SHOX: variants seen among roughly 807,000 people sequenced by gnomAD.
The protein encoded by SHOX is SHOX homeobox.
In SHOX, 12 loss-of-function variants were observed where a neutral mutation model predicts 29.6. The ratio of observed to expected loss-of-function variants is 0.41; its 90% CI spans 0.26 to 0.66. The LOEUF is 0.66. SHOX is among the 30% of genes least tolerant of loss of function. The pLI is 0.35. For missense variants in SHOX, 499 were observed against 437.7 expected (o/e 1.14, Z -1.25); for synonymous variants, 214 against 200.6 (o/e 1.07, Z -0.57).
Position 651,394 on chromosome X carries a change from A to AAAAC in SHOX, c.*6772_*6775dup, listed in dbSNP as rs781601972. The AAAAC allele has an allele frequency of 2.5e-5, 11 of 446,166 alleles. No homozygotes were observed. Among genetic ancestry groups the AAAAC allele is most frequent in the South Asian group, 7.8e-5 (5 of 63,908 alleles). The allele number at this position is 446,166 out of a possible 1,614,324, so 27.6% of individuals were successfully genotyped here. A position where few individuals can be genotyped will look rare whatever the true frequency, so the allele number is the denominator to read the frequency against. On this transcript the variant is annotated 3_prime_UTR_variant, in exon 5 of 5. Transcript: ENST00000686671. Reference sequence around the variant, plus strand: ...TCGGCAGGCGGTGAGGGGTAGAAAAAAAACAAACAAACAAACAGAAAAAAA... The same window carrying AAAAC: ...TCGGCAGGCGGTGAGGGGTAGAAAAAAAACAAACAAACAAACAAACAGAAAAAAA...
At position 641,687 on chromosome X, in the gene SHOX, CAAAAA is replaced by C. The variant is rs35181650; in HGVS notation, c.633+615_633+619del. Among the ~76,000 whole-genome samples the C allele has an allele frequency of 3.9e-4, 48 of 123,646 alleles. No individual in the cohort carries two copies. The South Asian group carries it at 4.1e-3, about 11-fold the overall frequency. The allele number at this position is 123,646 out of a possible 152,430, so 81.1% of individuals were successfully genotyped here. On this transcript the variant is annotated intron_variant, in intron 4 of 4. Transcript: ENST00000686671. ...AGAGTGAGACTCCAAGACTCCATCT[CAAAAA>C]AAAAAAAAAAAAAATCAGGCTGTAA...
chrX:652,089 T>C (rs1259860006), downstream of SHOX, among the ~76,000 whole-genome samples: 1 of 151,946 alleles, frequency 6.6e-6, no homozygotes, highest in Non-Finnish European at 1.5e-5. Context: ...CGCGCCCGGC[T>C]CATTTTTGTA....
chrX:634,736 C>A lies in SHOX; in HGVS notation c.396C>A (p.Leu132=). 1.2e-6 allele frequency: 2 copies of A among 1,613,012 alleles called. No individual in the cohort carries two copies. Among genetic ancestry groups the A allele is most frequent in the South Asian group, 1.1e-5 (1 of 90,836 alleles). The change falls in exon 2 of 5, where the codon CTC becomes CTA. Residue 132 remains leucine, a synonymous_variant. Coordinates refer to ENST00000686671, the MANE Select transcript of SHOX (RefSeq NM_000451.4). ...TNFTLEQLNE[L]ERLFDETHYP... ...TCACGCTGGAGCAGCTGAACGAGCTCGAGCGACTCTTCGACGAGACCCATT... is the reference window on the plus strand; with the variant it reads ...TCACGCTGGAGCAGCTGAACGAGCTAGAGCGACTCTTCGACGAGACCCATT...
downstream of SHOX, among the ~76,000 whole-genome samples, chrX:656,310 C>T (rs758518108): frequency 4.8e-4 from 73 of 151,576 alleles, no homozygotes; most frequent in African/African-American, 1.8e-3. Flanking sequence ...GCTGTGCTGG[C>T]TCATGCCTGT....
chrX:634,907 G>T, intron 2 of SHOX, 81 bp downstream of exon 2: 1 of 1,427,576 alleles, frequency 7.0e-7, no homozygotes, highest in South Asian at 1.3e-5. Flanking sequence ...ACAGCCACCT[G>T]CGCCCGGGCC....
At chrX:644,335 A>G in intron 4 of SHOX, 56 bp from the exon 5 acceptor site, 1 of 1,476,562 alleles carries the variant, frequency 6.8e-7, no homozygotes, top group Non-Finnish European at 8.9e-7. Flanking sequence ...CGCGGGGCGG[A>G]GCAGGCCCCC....
chrX:625,831 CCT>C (rs764839663), upstream of SHOX, among the ~76,000 whole-genome samples: 3 of 139,678 alleles, frequency 2.1e-5, no homozygotes, highest in East Asian at 2.1e-4. Flanking sequence ...CTCTTTCTCT[CCT>C]CTCTTTTTCT....
rs34668574 is a variant in SHOX, at chrX:650,564, G to A, written c.*5928G>A. ...GGAAATACCAGAGTCCTCTGTCCTC[G>A]CCTCTGGGTTTCATGCTGACCTTTC... On this transcript the variant is annotated 3_prime_UTR_variant, in exon 5 of 5. Transcript: ENST00000686671. Among the ~76,000 whole-genome samples, 63,818 of 151,130 alleles carry A rather than the reference G, an allele frequency of 0.42. 14,048 individuals carry two copies. The highest frequency in any genetic ancestry group is 0.48 in the Non-Finnish European group (32,699 of 67,730).
chrX:633,517 GAAGA>G (rs2052685007), intron 1 of SHOX, among the ~76,000 whole-genome samples: 1 of 151,676 alleles, frequency 6.6e-6, no homozygotes, highest in Non-Finnish European at 1.5e-5. Flanking sequence ...ATCGTGGAAG[GAAGA>G]AAGACAGAAC....
chrX:631,525 C>T (rs2052648461), intron 1 of SHOX, among the ~76,000 whole-genome samples: 1 of 139,634 alleles, frequency 7.2e-6, no homozygotes, highest in Admixed American at 7.3e-5. Context: ...TCTTTCCTTT[C>T]CTTTTTTTGT....
intron 4 of SHOX, among the ~76,000 whole-genome samples, chrX:641,585 A>G (rs1251920880): frequency 3.3e-5 from 5 of 150,496 alleles, no homozygotes; most frequent in Non-Finnish European, 7.4e-5. Flanking sequence ...GGTACTTGGG[A>G]GGGAGAATCA....
At chrX:636,300 CAT>C (rs993960820) in intron 2 of SHOX, among the ~76,000 whole-genome samples, 4 of 124,848 alleles carry the variant, frequency 3.2e-5, no homozygotes, top group African/African-American at 9.7e-5. Context: ...AATATATTAA[CAT>C]ATATAAAATA....
chrX:626,693 CTCTT>C (rs754795109), upstream of SHOX, among the ~76,000 whole-genome samples: 18 of 120,730 alleles, frequency 1.5e-4, no homozygotes, highest in South Asian at 4.4e-3. Flanking sequence ...ATCTCTGTCT[CTCTT>C]TCTCTCTCTC....
At chrX:652,901 C>T (rs150620809), downstream of SHOX, among the ~76,000 whole-genome samples, 1,738 of 134,798 alleles carry the variant, frequency 0.013, 32 homozygotes, top group African/African-American at 0.046. Flanking sequence ...TAGGGGCAAA[C>T]GCAGGCAAGT....
Position 644,534 on chromosome X carries a change from C to A in SHOX, c.777C>A (p.Ala259=), listed in dbSNP as rs757719614. The A allele has an allele frequency of 1.3e-6, 2 of 1,517,604 alleles. No individual in the cohort carries two copies. Among genetic ancestry groups the A allele is most frequent in the South Asian group, 2.4e-5 (2 of 82,112 alleles). 94.0% of individuals were successfully genotyped at this position (1,517,604 alleles called of 1,614,324 possible). A position where few individuals can be genotyped will look rare whatever the true frequency, so the allele number is the denominator to read the frequency against. The change falls in exon 5 of 5, where the codon GCC becomes GCA. Residue 259 remains alanine (A), a synonymous_variant. Coordinates refer to ENST00000686671, the MANE Select transcript of SHOX (RefSeq NM_000451.4). The part of the protein sequence containing the change: ...PIASLAESAS[A]AAVVAAAAKS... Reference sequence around the variant, plus strand: ...CGTCGCTGGCCGAGTCCGCCTCGGCCGCCGCCGTGGTCGCCGCCGCCGCCA... The same window carrying A: ...CGTCGCTGGCCGAGTCCGCCTCGGCAGCCGCCGTGGTCGCCGCCGCCGCCA...
intron 4 of SHOX, 134 bp from the exon 5 acceptor site, chrX:644,256 TG>T: frequency 8.9e-7 from 1 of 1,125,924 alleles, no homozygotes; most frequent in Non-Finnish European, 1.2e-6. Flanking sequence ...GGGTGTGGGG[TG>T]GTCTCCACGG....
In SHOX at chrX:644,694, C is replaced by T. The variant is rs2052932240; in HGVS notation, c.*58C>T. The T allele has an allele frequency of 7.3e-7, 1 of 1,373,644 alleles. No individual in the cohort carries two copies. Among genetic ancestry groups the T allele is most frequent in the African/African-American group, 1.5e-5 (1 of 65,204 alleles). The allele number at this position is 1,373,644 out of a possible 1,614,324, so 85.1% of individuals were successfully genotyped here. A position where few individuals can be genotyped will look rare whatever the true frequency, so the allele number is the denominator to read the frequency against. The stretch of plus-strand genomic sequence containing the variant: ...CCGGGCTCCGCGCACCCCGCCTGCA[C>T]CGCGCGTCCTGCACTCAACCCCGCC... On this transcript the variant is annotated 3_prime_UTR_variant, in exon 5 of 5. Coordinates refer to ENST00000686671, the MANE Select transcript of SHOX (RefSeq NM_000451.4).
At chrX:630,099 A>G (rs1011184617), upstream of SHOX, among the ~76,000 whole-genome samples, 1 of 151,740 alleles carries the variant, frequency 6.6e-6, no homozygotes, top group Admixed American at 6.6e-5. Flanking sequence ...GGCGCTGGAG[A>G]CCCGGGAGGC....
Position 648,930 on chromosome X carries a change from C to CTTT in SHOX, c.*4295_*4296insTTT, listed in dbSNP as rs1457789033. The stretch of plus-strand genomic sequence containing the variant: ...TTCCTTTCTTTCTTTTTCTTTCTTT[C>CTTT]TCTCTTTCTTTCTTTTCTTTCTTTC... On this transcript the variant is annotated 3_prime_UTR_variant, in exon 5 of 5. Coordinates refer to ENST00000686671, the MANE Select transcript of SHOX (RefSeq NM_000451.4). Among the ~76,000 whole-genome samples the CTTT allele has an allele frequency of 1.1e-5, 1 of 88,158 alleles. No individual in the cohort carries two copies. Among genetic ancestry groups the CTTT allele is most frequent in the Non-Finnish European group, 2.7e-5 (1 of 37,010 alleles). The allele number at this position is 88,158 out of a possible 152,430, so 57.8% of individuals were successfully genotyped here. A position where few individuals can be genotyped will look rare whatever the true frequency, so the allele number is the denominator to read the frequency against.
Sources: gnomAD v4.1 joint callset for allele counts (sites outside exome capture counted in the v4.1 genomes callset) on GRCh38, gnomAD v4.1.1 for gene constraint, MANE v1.5 for transcripts, NCBI Gene and HGNC (gene_info 2026-07-23, HGNC 2026-07-21) for gene names.